Variants in CUBN observed in about 807,000 individuals in gnomAD.
CUBN encodes cubilin.
CUBN carries 282 observed loss-of-function variants against 405.3 expected under a neutral mutation model. The observed-to-expected ratio is 0.70, with a 90% confidence interval of 0.63 to 0.77. The LOEUF is 0.77. Among genes scored for constraint, CUBN ranks in the 30% least tolerant of loss-of-function variants. The pLI, the probability that CUBN is intolerant of heterozygous loss-of-function variation, is 0.00. For synonymous variants in CUBN, 1,684 were observed against 1,617.0 expected (o/e 1.04, Z -0.99); for missense variants, 4,514 against 4,475.2 (o/e 1.01, Z -0.25).
At chr10:16,928,931 T>C (rs571299347) in intron 40 of CUBN, among the ~76,000 whole-genome samples, 135 of 151,874 alleles carry the variant, frequency 8.9e-4, no homozygotes, top group African/African-American at 3.1e-3. Flanking sequence ...GGAGACCCAG[T>C]GATGATATGT....
intron 28 of CUBN, among the ~76,000 whole-genome samples, chr10:17,012,881 T>C (rs1482215114): frequency 6.6e-6 from 1 of 152,236 alleles, no homozygotes; most frequent in Non-Finnish European, 1.5e-5. Flanking sequence ...ATCTATATCC[T>C]GTCCTGAAGG....
At chr10:16,825,219 G>A (rs1838738886) in intron 66 of CUBN, 137 bp from the exon 67 acceptor site, 18 of 647,698 alleles carry the variant, frequency 2.8e-5, no homozygotes, top group Middle Eastern at 4.2e-4. Flanking sequence ...ATTTCTTGAA[G>A]TAACCTTGCA....
chr10:16,939,361 G>A (rs952739014), intron 37 of CUBN, among the ~76,000 whole-genome samples: 2 of 152,132 alleles, frequency 1.3e-5, no homozygotes, highest in Non-Finnish European at 2.9e-5. Context: ...TGTGAAAAGA[G>A]GCCACAACTT....
chr10:16,894,623 A>G (rs1234950449), intron 54 of CUBN, among the ~76,000 whole-genome samples: 1 of 152,192 alleles, frequency 6.6e-6, no homozygotes, highest in Non-Finnish European at 1.5e-5. Context: ...GGTAAATAGT[A>G]AGGTAGAATT....
chr10:16,933,495 G>A (rs1450146657), intron 39 of CUBN, among the ~76,000 whole-genome samples: 4 of 152,130 alleles, frequency 2.6e-5, no homozygotes, highest in Non-Finnish European at 5.9e-5. Context: ...AATGCATTGT[G>A]TTCTCCATTT....
chr10:16,876,830 G>A lies in CUBN; in HGVS notation c.9106+67C>T, dbSNP rs935489580. The A allele has an allele frequency of 2.9e-6, 4 of 1,380,280 alleles. No homozygotes were observed. The East Asian group carries it at 9.1e-5, about 32-fold the overall frequency. The allele number at this position is 1,380,280 out of a possible 1,614,324, so 85.5% of individuals were successfully genotyped here. On this transcript the variant is annotated intron_variant, in intron 57 of 66. Transcript: ENST00000377833. ...AAGTTAGTGCTGTATGAATCGCAGT[G>A]AAAACTCTTTGTATACATTACTCAG...
chr10:16,995,276 T>A (rs944970142), intron 28 of CUBN, among the ~76,000 whole-genome samples: 1 of 152,164 alleles, frequency 6.6e-6, no homozygotes, highest in Admixed American at 6.5e-5. Context: ...AACATTATAG[T>A]GTAACAGAGG....
At chr10:17,075,634 G>A (rs1313754657) in intron 17 of CUBN, among the ~76,000 whole-genome samples, 5 of 152,106 alleles carry the variant, frequency 3.3e-5, no homozygotes, top group Non-Finnish European at 7.4e-5. Flanking sequence ...ATAATAGTGA[G>A]GTGATTAAAT....
At chr10:16,995,724 C>T (rs1449994248) in intron 28 of CUBN, among the ~76,000 whole-genome samples, 7 of 152,066 alleles carry the variant, frequency 4.6e-5, no homozygotes. Context: ...TCATGAATAG[C>T]TAGAGAAGAG....
chr10:17,105,090 C>T (rs1212349121), intron 11 of CUBN, among the ~76,000 whole-genome samples: 1 of 151,932 alleles, frequency 6.6e-6, no homozygotes, highest in Non-Finnish European at 1.5e-5. Flanking sequence ...CATGAGCCAC[C>T]ACGCCTGGCC....
intron 60 of CUBN, among the ~76,000 whole-genome samples, chr10:16,842,645 G>A (rs1389681140): frequency 7.9e-5 from 12 of 152,218 alleles, no homozygotes; most frequent in South Asian, 6.2e-4. Flanking sequence ...GCCTAATTCC[G>A]GAGCAGCCAT....
intron 27 of CUBN, among the ~76,000 whole-genome samples, chr10:17,020,535 A>T (rs1391945068): frequency 6.6e-6 from 1 of 152,182 alleles, no homozygotes; most frequent in Non-Finnish European, 1.5e-5. Context: ...ACATTTTAGA[A>T]ATATATGAAA....
chr10:16,866,804 T>C (rs551908468), intron 59 of CUBN, among the ~76,000 whole-genome samples: 1 of 152,272 alleles, frequency 6.6e-6, no homozygotes, highest in Admixed American at 6.5e-5. Context: ...GCTTTCTCCT[T>C]ACCTTGCATC....
intron 31 of CUBN, among the ~76,000 whole-genome samples, chr10:16,970,181 AC>A (rs1843512616): frequency 6.6e-6 from 1 of 152,242 alleles, no homozygotes; most frequent in African/African-American, 2.4e-5. Flanking sequence ...TGACCTCCTG[AC>A]TTCAAAGCAA....
chr10:17,046,244 C>T (rs61842856), intron 23 of CUBN, 150 bp from the exon 24 acceptor site: 46 of 674,624 alleles, frequency 6.8e-5, no homozygotes, highest in South Asian at 1.1e-4. Flanking sequence ...CTAAAAAACA[C>T]GATTTTCACT....
At chr10:16,999,373 A>G (rs1833818952) in intron 28 of CUBN, among the ~76,000 whole-genome samples, 1 of 152,260 alleles carries the variant, frequency 6.6e-6, no homozygotes, top group Non-Finnish European at 1.5e-5. Flanking sequence ...TAGAGAAGTT[A>G]GCCAATCTTG....
At position 17,114,112 on chromosome 10, in the gene CUBN, C is replaced by T. The variant is rs1468325339; in HGVS notation, c.798G>A (p.Glu266=). ...AGCAAGGCCCGGGCTGGAAGCTGCA[C>T]TCGTCTCTGTCCAGCGTGCAGGCAG... ...NSPACTLDRD[E]CSFQPGPCST... Residue 266 remains glutamate, a synonymous_variant, in exon 8 of 67, where the codon GAG becomes GAA. Coordinates refer to ENST00000377833, the MANE Select transcript of CUBN (RefSeq NM_001081.4). 3.0e-5 allele frequency: 49 copies of T among 1,613,566 alleles called. No homozygotes were observed. The highest frequency in any genetic ancestry group is 4.1e-5 in the Non-Finnish European group (48 of 1,179,874).
intron 28 of CUBN, among the ~76,000 whole-genome samples, chr10:17,005,634 A>C (rs999236155): frequency 6.6e-6 from 1 of 152,206 alleles, no homozygotes; most frequent in Non-Finnish European, 1.5e-5. Context: ...GGTCTCTTTG[A>C]ACTTCCGCAG....
chr10:16,949,877 G>C lies in CUBN; in HGVS notation c.5080+124C>G, dbSNP rs28473579. 0.051 allele frequency: 38,333 copies of C among 751,812 alleles called. 2,824 individuals carry two copies. The highest frequency in any genetic ancestry group is 0.23 in the Admixed American group (11,095 of 48,686). The allele number at this position is 751,812 out of a possible 1,614,324, so 46.6% of individuals were successfully genotyped here. On this transcript the variant is annotated intron_variant, in intron 34 of 66. Transcript: ENST00000377833. The stretch of plus-strand genomic sequence containing the variant: ...TCTTACCCTCTAATCATCTTTATTT[G>C]GCTTAGGCTGCTCTTTCTATTTATT...
Sources: allele counts gnomAD v4.1 joint callset (sites outside exome capture counted in the v4.1 genomes callset), GRCh38; gene constraint gnomAD v4.1.1; transcripts MANE v1.5; gene names NCBI Gene and HGNC (gene_info 2026-07-23, HGNC 2026-07-21).